Variants in SLC39A11 observed in about 807,000 individuals in gnomAD.
SLC39A11 encodes the protein zinc transporter ZIP11.
A neutral mutation model predicts 36.1 loss-of-function variants in SLC39A11; 33 were observed. The ratio of observed to expected loss-of-function variants is 0.91; its 90% CI spans 0.69 to 1.22. The LOEUF is 1.22. Among genes scored for constraint, SLC39A11 ranks in the 50% most tolerant of loss-of-function variants. The pLI, the probability that SLC39A11 is intolerant of heterozygous loss-of-function variation, is 0.00. For missense variants in SLC39A11, 432 were observed against 430.3 expected (o/e 1.00, Z -0.03); for synonymous variants, 166 against 170.3 (o/e 0.97, Z 0.20).
In SLC39A11 at chr17:72,846,759, C is replaced by T. The variant is rs934727074; in HGVS notation, c.601+2875G>A. On this transcript the variant is annotated intron_variant, in intron 6 of 9. Coordinates refer to ENST00000255559, the MANE Select transcript of SLC39A11 (RefSeq NM_139177.4). ...TCAGAGAAATAGTTGCCGTAATACA[C>T]CTCAGTGTAGTTACCTTATTTAACA... Among the ~76,000 whole-genome samples the T allele has an allele frequency of 2.0e-5, 3 of 152,216 alleles. No homozygotes were observed. In the East Asian group the frequency reaches 5.8e-4, roughly 29 times the overall value.
At chr17:73,083,285 C>G (rs2060609770) in intron 3 of SLC39A11, among the ~76,000 whole-genome samples, 1 of 152,140 alleles carries the variant, frequency 6.6e-6, no homozygotes, top group Admixed American at 6.5e-5. Flanking sequence ...AGCTGAGGAC[C>G]TAGAAACTAA....
intron 3 of SLC39A11, among the ~76,000 whole-genome samples, chr17:73,062,514 T>G (rs903137151): frequency 6.7e-6 from 1 of 148,346 alleles, no homozygotes; most frequent in African/African-American, 2.5e-5. Context: ...TGATAGGCCA[T>G]TTGAACATCT....
chr17:72,810,094 AAAAAAG>A (rs1487614823), intron 6 of SLC39A11, among the ~76,000 whole-genome samples: 13 of 151,842 alleles, frequency 8.6e-5, no homozygotes, highest in East Asian at 7.7e-4. Flanking sequence ...CAAAAAAAAA[AAAAAAG>A]AAAAGAAAAT....
Position 72,720,559 on chromosome 17 carries a change from T to C in SLC39A11, c.671+16091A>G, listed in dbSNP as rs182031493. 1.6e-4 allele frequency among the ~76,000 whole-genome samples: 25 copies of C among 152,060 alleles called. No individual in the cohort carries two copies. In the East Asian group the frequency reaches 4.3e-3, roughly 26 times the overall value. On this transcript the variant is annotated intron_variant, in intron 7 of 9. Transcript: ENST00000255559. ...TGCTTGTCCTGGACCTGAGTGGAAA[T>C]AGAAATGGGCTGGCCATCTAGCTGT...
intron 7 of SLC39A11, among the ~76,000 whole-genome samples, chr17:72,662,102 C>T (rs145411904): frequency 8.0e-4 from 122 of 152,256 alleles, no homozygotes; most frequent in Middle Eastern, 3.4e-3. Context: ...GCCTCTGTAG[C>T]CATCAAAAGA....
At chr17:72,877,323 T>C (rs1462346178) in intron 5 of SLC39A11, among the ~76,000 whole-genome samples, 4 of 152,250 alleles carry the variant, frequency 2.6e-5, no homozygotes, top group Non-Finnish European at 4.4e-5. Flanking sequence ...AGAACATTCA[T>C]GACACTGGGT....
At chr17:72,791,445 C>G (rs1238614846) in intron 6 of SLC39A11, among the ~76,000 whole-genome samples, 1 of 152,216 alleles carries the variant, frequency 6.6e-6, no homozygotes, top group Non-Finnish European at 1.5e-5. Context: ...GAAAGAAACT[C>G]TGTCTCAAAA....
At chr17:72,949,987 AC>A (rs2085745965) in intron 4 of SLC39A11, among the ~76,000 whole-genome samples, 1 of 111,672 alleles carries the variant, frequency 9.0e-6, no homozygotes, top group African/African-American at 3.2e-5. Flanking sequence ...ACACACACAC[AC>A]ACACACACCC....
At chr17:72,713,865 T>G (rs1453704501) in intron 7 of SLC39A11, among the ~76,000 whole-genome samples, 1 of 152,132 alleles carries the variant, frequency 6.6e-6, no homozygotes, top group East Asian at 1.9e-4. Flanking sequence ...CCCAACACTT[T>G]GACCCTGGAG....
intron 6 of SLC39A11, among the ~76,000 whole-genome samples, chr17:72,787,979 C>A (rs1166775795): frequency 6.6e-6 from 1 of 152,198 alleles, no homozygotes; most frequent in African/African-American, 2.4e-5. Context: ...ACAATTCTTT[C>A]ATGAATGTCC....
intron 7 of SLC39A11, among the ~76,000 whole-genome samples, chr17:72,672,930 T>A (rs1467407513): frequency 6.6e-6 from 1 of 151,948 alleles, no homozygotes; most frequent in African/African-American, 2.4e-5. Context: ...AAGTTTTATT[T>A]AACACACTCA....
intron 5 of SLC39A11, among the ~76,000 whole-genome samples, chr17:72,868,618 C>CCAA (rs2080433264): frequency 1.8e-5 from 1 of 56,476 alleles, no homozygotes; most frequent in Non-Finnish European, 3.1e-5. Flanking sequence ...CCTGTCTCTA[C>CCAA]AAAAAAAAAA....
At chr17:72,872,849 G>A (rs2080710373) in intron 5 of SLC39A11, among the ~76,000 whole-genome samples, 1 of 152,056 alleles carries the variant, frequency 6.6e-6, no homozygotes, top group Admixed American at 6.5e-5. Flanking sequence ...AAGGTCAGGA[G>A]ATCGAGACCA....
chr17:72,899,690 G>A (rs573479869), intron 5 of SLC39A11, among the ~76,000 whole-genome samples: 4 of 152,308 alleles, frequency 2.6e-5, no homozygotes, highest in South Asian at 2.1e-4. Flanking sequence ...GGCCGGGCAC[G>A]GTGGCTCATG....
At chr17:72,978,640 T>C (rs1415975368) in intron 4 of SLC39A11, among the ~76,000 whole-genome samples, 1 of 151,052 alleles carries the variant, frequency 6.6e-6, no homozygotes, top group Non-Finnish European at 1.5e-5. Flanking sequence ...GTGGGGAGAC[T>C]GTGGGGAGCA....
chr17:72,981,594 CAAA>C (rs11444135), intron 4 of SLC39A11, among the ~76,000 whole-genome samples: 1 of 131,260 alleles, frequency 7.6e-6, no homozygotes, highest in Non-Finnish European at 1.6e-5. Flanking sequence ...TATTTAAATG[CAAA>C]AAAAAAAAAA....
chr17:72,987,406 T>A (rs2088840282), intron 4 of SLC39A11, among the ~76,000 whole-genome samples: 1 of 152,232 alleles, frequency 6.6e-6, no homozygotes. Flanking sequence ...AATGTACTTG[T>A]GTAAAGTGTA....
chr17:72,868,618 C>CAAAAAAAAAAAAAAAA (rs71354894), intron 5 of SLC39A11, among the ~76,000 whole-genome samples: 8 of 56,462 alleles, frequency 1.4e-4, no homozygotes, highest in South Asian at 9.9e-4. Flanking sequence ...CCTGTCTCTA[C>CAAAAAAAAAAAAAAAA]AAAAAAAAAA....
intron 6 of SLC39A11, among the ~76,000 whole-genome samples, chr17:72,826,377 C>A (rs2078028844): frequency 6.6e-6 from 1 of 152,180 alleles, no homozygotes; most frequent in Admixed American, 6.6e-5. Flanking sequence ...CCAATTAAAC[C>A]TCTTTTCCTT....
Sources: gnomAD v4.1 joint callset for allele counts (sites outside exome capture counted in the v4.1 genomes callset) on GRCh38, gnomAD v4.1.1 for gene constraint, MANE v1.5 for transcripts, NCBI Gene and HGNC (gene_info 2026-07-23, HGNC 2026-07-21) for gene names.